FBXO10: variants seen among roughly 807,000 people sequenced by gnomAD.
FBXO10 encodes F-box protein 10.
In FBXO10, 39 loss-of-function variants were observed where a neutral mutation model predicts 80.7. The observed-to-expected ratio is 0.48, with a 90% CI of 0.37 to 0.63. The LOEUF (loss-of-function observed/expected upper bound fraction) is 0.63, where lower values mean the gene tolerates loss of function less well. FBXO10 is among the 30% of genes least tolerant of loss of function. The pLI is 0.00. For synonymous variants in FBXO10, 449 were observed against 489.6 expected, an observed-to-expected ratio of 0.92 and a Z score of 1.09; for missense variants, 1,025 against 1,269.0, an observed-to-expected ratio of 0.81 and a Z score of 2.92.
chr9:37,543,827 A>G (rs1216443971), intron 1 of FBXO10, among the ~76,000 whole-genome samples: 2 of 152,234 alleles, frequency 1.3e-5, no homozygotes, highest in African/African-American at 4.8e-5. Context: ...AAGTCTCTAG[A>G]CAACTAGAAA....
intron 5 of FBXO10, among the ~76,000 whole-genome samples, chr9:37,526,440 A>G (rs183905871): frequency 2.4e-3 from 373 of 152,280 alleles, no homozygotes; most frequent in Admixed American, 5.3e-3. Context: ...TAAAAACCCA[A>G]CACTGATCTA....
At chr9:37,570,619 A>T (rs1822726648) in intron 1 of FBXO10, among the ~76,000 whole-genome samples, 1 of 152,192 alleles carries the variant, frequency 6.6e-6, no homozygotes, top group Non-Finnish European at 1.5e-5. Context: ...AAAACCAAAG[A>T]AGAAGGAAAA....
chr9:37,535,079 A>C (rs16934265), intron 3 of FBXO10, among the ~76,000 whole-genome samples: 31,026 of 152,094 alleles, frequency 0.2, 5,171 homozygotes, highest in African/African-American at 0.47. Context: ...GCACAAAGGA[A>C]GATCTGAAGC....
chr9:37,548,371 C>A (rs12550961), intron 1 of FBXO10, among the ~76,000 whole-genome samples: 1 of 151,992 alleles, frequency 6.6e-6, no homozygotes, highest in African/African-American at 2.4e-5. Context: ...GGCAACACAG[C>A]GAGACTCCAT....
rs745529459 is a variant in FBXO10 at position 37,537,852 on chromosome 9, C to G, written c.677G>C (p.Cys226Ser). 2.5e-6 allele frequency: 4 copies of G among 1,613,954 alleles called. No individual in the cohort carries two copies. The highest frequency in any genetic ancestry group is 2.2e-5 in the South Asian group (2 of 91,080). Reference protein sequence around the residue: ...HGPGTCQVKFCTFKNTHIFLH... With the variant: ...HGPGTCQVKFSTFKNTHIFLH... ...GAAGATATGGGTGTTTTTGAAGGTA[C>G]AGAACTTCACTTGGCAAGTACCCGG... Residue 226 changes from cysteine to serine, a missense_variant, in exon 3 of 11, where the codon TGT (cysteine) becomes TCT (serine). This residue lies in a region of FBXO10 where 450 missense variants were observed against 499.4 expected (regional missense o/e 0.90). Transcript: ENST00000432825.
chr9:37,566,666 C>G (rs137971637), intron 1 of FBXO10, among the ~76,000 whole-genome samples: 3 of 152,262 alleles, frequency 2.0e-5, no homozygotes, highest in African/African-American at 4.8e-5. Flanking sequence ...GTAAATGTCC[C>G]TAGCTTTGTG....
chr9:37,533,552 A>G (rs1465921680), intron 3 of FBXO10, among the ~76,000 whole-genome samples: 1 of 151,316 alleles, frequency 6.6e-6, no homozygotes, highest in Non-Finnish European at 1.5e-5. Flanking sequence ...TCTCAAAAAT[A>G]AAATAAAATT....
chr9:37,521,998 C>T, intron 7 of FBXO10, 160 bp from the exon 8 acceptor site: 1 of 740,374 alleles, frequency 1.4e-6, no homozygotes, highest in South Asian at 2.1e-5. Context: ...GCAGACTTCA[C>T]CTTCACACAA....
chr9:37,517,077 TTCTAAGAGAA>T (rs1419562356), intron 9 of FBXO10, among the ~76,000 whole-genome samples: 5 of 152,196 alleles, frequency 3.3e-5, no homozygotes, highest in Non-Finnish European at 7.3e-5. Context: ...GAGGCCATTA[TTCTAAGAGAA>T]GTAACTCAGA....
At chr9:37,513,612 C>T (rs1370843930) in intron 10 of FBXO10, among the ~76,000 whole-genome samples, 2 of 151,616 alleles carry the variant, frequency 1.3e-5, no homozygotes, top group South Asian at 4.2e-4. Flanking sequence ...TTTTCCGAGA[C>T]GGAGTCTTGC....
At chr9:37,542,073 C>T (rs1444449749) in intron 1 of FBXO10, among the ~76,000 whole-genome samples, 1 of 151,954 alleles carries the variant, frequency 6.6e-6, no homozygotes. Flanking sequence ...AGGTGATCTG[C>T]CCGGCTTGGC....
chr9:37,536,320 C>T (rs867531725), intron 3 of FBXO10, among the ~76,000 whole-genome samples: 36 of 152,106 alleles, frequency 2.4e-4, no homozygotes, highest in African/African-American at 8.7e-4. Context: ...AGGTGAGACT[C>T]GAATCTAGGT....
chr9:37,541,581 T>C lies in FBXO10; in HGVS notation c.188A>G (p.Gln63Arg), dbSNP rs1292217954. The C allele has an allele frequency of 2.5e-6, 4 of 1,613,690 alleles. No homozygotes were observed. The highest frequency in any genetic ancestry group is 3.4e-6 in the Non-Finnish European group (4 of 1,179,808). Residue 63 changes from glutamine (Q) to arginine (R), a missense_variant, in exon 2 of 11, where the codon CAG becomes CGG. Around this residue, in one of 3 missense-constraint regions of FBXO10, gnomAD observed 450 missense variants for 499.4 expected, o/e 0.90. Transcript: ENST00000432825. ...CCAAGACTCAGGCTCCACATCTGGC[T>C]GGTTGGGCCAATTGGGATGGCGGCA... is the stretch of plus-strand genomic sequence containing the variant. The part of the protein sequence containing the change: ...TECRHPNWPN[Q>R]PDVEPESWRE...
chr9:37,517,994 C>G, intron 9 of FBXO10, 131 bp downstream of exon 9: 1 of 990,420 alleles, frequency 1.0e-6, no homozygotes, highest in Non-Finnish European at 1.5e-6. Context: ...AGGCTGAGTC[C>G]TGGCAGGAGG....
intron 9 of FBXO10, among the ~76,000 whole-genome samples, chr9:37,517,598 A>C (rs75446497): frequency 0.07 from 8,994 of 127,872 alleles, 702 homozygotes; most frequent in African/African-American, 0.22. Flanking sequence ...ACAAGAGATA[A>C]CTCAAACAGC....
At position 37,512,516 on chromosome 9, in the gene FBXO10, C is replaced by A. The variant is rs1161805166; in HGVS notation, c.*31G>T. ...CACCTTAGCTCCTCTGAGCACCCAT[C>A]CAGGCTTGGCCCTGAAGCAGGTCTG... On this transcript the variant is annotated 3_prime_UTR_variant, in exon 11 of 11. Coordinates refer to ENST00000432825, the MANE Select transcript of FBXO10 (RefSeq NM_012166.3). The A allele has an allele frequency of 1.3e-6, 2 of 1,599,468 alleles. No individual in the cohort carries two copies. The highest frequency in any genetic ancestry group is 3.4e-5 in the Admixed American group (2 of 59,360).
intron 1 of FBXO10, among the ~76,000 whole-genome samples, chr9:37,548,057 G>T (rs2119147556): frequency 6.6e-6 from 1 of 152,274 alleles, no homozygotes; most frequent in East Asian, 1.9e-4. Context: ...TATCTTGACT[G>T]GTGTGTTAGT....
chr9:37,539,860 C>T (rs528202355), intron 2 of FBXO10, among the ~76,000 whole-genome samples: 6 of 152,192 alleles, frequency 3.9e-5, no homozygotes, highest in Non-Finnish European at 8.8e-5. Flanking sequence ...AATAGGCATA[C>T]CACATCTACT....
At chr9:37,558,637 A>G (rs1223973224) in intron 1 of FBXO10, among the ~76,000 whole-genome samples, 1 of 152,198 alleles carries the variant, frequency 6.6e-6, no homozygotes, top group Non-Finnish European at 1.5e-5. Context: ...AGTGTTTTTA[A>G]GTAAACGAAT....
Sources: gnomAD v4.1 joint callset for allele counts (sites outside exome capture counted in the v4.1 genomes callset) on GRCh38, gnomAD v4.1.1 for gene constraint, gnomAD v4.1.1 regional missense constraint, MANE v1.5 for transcripts, NCBI Gene and HGNC (gene_info 2026-07-23, HGNC 2026-07-21) for gene names.